The following COL19A1 variants were observed in gnomAD, a reference collection of about 807,000 sequenced individuals.
COL19A1 encodes the protein collagen alpha-1(XIX) chain.
Under a neutral mutation model 190.2 loss-of-function variants are expected in COL19A1, and 159 were observed. That is an observed-to-expected ratio of 0.84 (90% CI 0.73 to 0.95). The LOEUF (loss-of-function observed/expected upper bound fraction) is 0.95. Among genes scored for constraint, COL19A1 ranks in the 40% least tolerant of loss-of-function variants. The pLI, the probability that COL19A1 is intolerant of heterozygous loss-of-function variation, is 0.00. For missense variants in COL19A1, 1,418 were observed against 1,431.9 expected, an observed-to-expected ratio of 0.99 and a Z score of 0.16; for synonymous variants, 509 against 458.9, an observed-to-expected ratio of 1.11 and a Z score of -1.39.
At chr6:70,002,709 T>C (rs1777339298) in intron 11 of COL19A1, among the ~76,000 whole-genome samples, 1 of 151,260 alleles carries the variant, frequency 6.6e-6, no homozygotes, top group Non-Finnish European at 1.5e-5. Flanking sequence ...GGGTCAGTGG[T>C]GATATCCCCT....
intron 16 of COL19A1, among the ~76,000 whole-genome samples, chr6:70,110,114 G>T (rs1289678509): frequency 1.3e-5 from 2 of 152,134 alleles, no homozygotes; most frequent in African/African-American, 4.8e-5. Flanking sequence ...ACACATTTTT[G>T]GACTGCTGAA....
At chr6:70,187,937 G>A in intron 46 of COL19A1, 138 bp from the exon 47 acceptor site, 1 of 964,474 alleles carries the variant, frequency 1.0e-6, no homozygotes, top group East Asian at 2.6e-5. Flanking sequence ...TAGGAGAGGA[G>A]GCTAGGACAC....
chr6:70,119,216 G>C (rs1034133085), intron 16 of COL19A1, among the ~76,000 whole-genome samples: 1 of 152,114 alleles, frequency 6.6e-6, no homozygotes, highest in Non-Finnish European at 1.5e-5. Flanking sequence ...GGATACATTT[G>C]AATACAGTCA....
chr6:70,067,584 G>C (rs1781317909), intron 14 of COL19A1, among the ~76,000 whole-genome samples: 1 of 152,032 alleles, frequency 6.6e-6, no homozygotes, highest in African/African-American at 2.4e-5. Context: ...AGATAAACTG[G>C]AGTTGTAGAT....
intron 14 of COL19A1, among the ~76,000 whole-genome samples, chr6:70,039,038 C>G (rs1339510025): frequency 6.7e-6 from 1 of 149,816 alleles, no homozygotes; most frequent in Non-Finnish European, 1.5e-5. Flanking sequence ...CAGCTGGAGA[C>G]AGAGCAAGAC....
Position 70,034,270 on chromosome 6 carries a change from A to T in COL19A1, c.1106A>T (p.His369Leu), listed in dbSNP as rs749866608. The change falls in exon 13 of 51, where the codon CAT becomes CTT. Residue 369 changes from histidine (H) to leucine (L), a missense_variant. By Grantham distance (99) the His-to-Leu change is moderately conservative (BLOSUM62 -3). Transcript: ENST00000620364. ...GGTTTGAAAGGTGACTTGGGTCCTC[A>T]TGGTCCACCTGGCCCAAAAGGAGAA... Reference protein sequence around the residue: ...ENGLKGDLGPHGPPGPKGEKG... With the variant: ...ENGLKGDLGPLGPPGPKGEKG... 2 of 1,613,166 alleles carry T rather than the reference A, an allele frequency of 1.2e-6. No homozygotes were observed. Among genetic ancestry groups the T allele is most frequent in the Non-Finnish European group, 1.7e-6 (2 of 1,179,142 alleles).
chr6:69,868,230 G>C (rs1188011065), intron 1 of COL19A1, among the ~76,000 whole-genome samples: 1 of 151,306 alleles, frequency 6.6e-6, no homozygotes, highest in East Asian at 1.9e-4. Context: ...AAGAGCCCCT[G>C]CTCGTATGTG....
At chr6:70,102,871 G>T (rs890644083) in intron 16 of COL19A1, among the ~76,000 whole-genome samples, 1 of 152,014 alleles carries the variant, frequency 6.6e-6, no homozygotes, top group Non-Finnish European at 1.5e-5. Flanking sequence ...CACTTTTCAG[G>T]CTTCTTCTTA....
chr6:70,149,888 G>GGACT lies in COL19A1; in HGVS notation c.1968_1971dup (p.Pro658AspfsTer5). 2 of 1,613,588 alleles carry GGACT rather than the reference G, an allele frequency of 1.2e-6. No homozygotes were observed. The highest frequency in any genetic ancestry group is 1.7e-6 in the Non-Finnish European group (2 of 1,179,766). On this transcript the variant is annotated frameshift_variant, in exon 29 of 51. Transcript: ENST00000620364. LOFTEE classifies it high-confidence loss of function. Reference sequence around the variant, plus strand: ...CTCCCTGGGTTGCCAGGAACTCCAGGGACTCCAGGGAATGATGTAAGGACT... The same window carrying GGACT: ...CTCCCTGGGTTGCCAGGAACTCCAGGGACTGACTCCAGGGAATGATGTAAGGACT...
rs138486301 is a variant in COL19A1 at position 70,156,331 on chromosome 6, C to T, written c.2200C>T (p.Arg734Trp). 29 of 1,613,142 alleles carry T rather than the reference C, an allele frequency of 1.8e-5. No individual in the cohort carries two copies. Among genetic ancestry groups the T allele is most frequent in the South Asian group, 6.6e-5 (6 of 91,062 alleles). Residue 734 changes from arginine to tryptophan, a missense_variant, in exon 33 of 51, where the codon CGG becomes TGG. Coordinates refer to ENST00000620364, the MANE Select transcript of COL19A1 (RefSeq NM_001858.6). ...TGTCTTCTAGGGTGATATAGGGCCA[C>T]GGGGTCCTCCAGGAATCCCAGGAAG... ...SMARKGDIGPRGPPGIPGREG... is the reference protein window; with the variant it reads ...SMARKGDIGPWGPPGIPGREG...
chr6:69,870,743 G>A (rs1173975603), intron 1 of COL19A1, among the ~76,000 whole-genome samples: 1 of 152,136 alleles, frequency 6.6e-6, no homozygotes, highest in Non-Finnish European at 1.5e-5. Flanking sequence ...TAGGGAGGTG[G>A]AAATAAAGGG....
At chr6:70,028,083 T>C (rs904974475) in intron 12 of COL19A1, among the ~76,000 whole-genome samples, 5 of 152,132 alleles carry the variant, frequency 3.3e-5, no homozygotes, top group East Asian at 1.9e-4. Flanking sequence ...TAATTTTCCC[T>C]TCCCCTCTGA....
chr6:70,115,507 C>T (rs1176782499), intron 16 of COL19A1, among the ~76,000 whole-genome samples: 1 of 152,074 alleles, frequency 6.6e-6, no homozygotes, highest in Non-Finnish European at 1.5e-5. Flanking sequence ...GGAACATTTG[C>T]ATTTGATCTG....
chr6:69,928,123 A>ATCTAG, intron 5 of COL19A1, 91 bp downstream of exon 5: 11 of 1,512,542 alleles, frequency 7.3e-6, no homozygotes, highest in Non-Finnish European at 9.9e-6. Flanking sequence ...TTGCGAGTAG[A>ATCTAG]TCTAGTATCC....
chr6:70,065,877 A>G (rs530650685), intron 14 of COL19A1, among the ~76,000 whole-genome samples: 141 of 152,370 alleles, frequency 9.3e-4, no homozygotes, highest in African/African-American at 3.3e-3. Flanking sequence ...ATCACTGGCC[A>G]TCAGAGAAAT....
chr6:70,093,090 G>T (rs1783029538), intron 15 of COL19A1, among the ~76,000 whole-genome samples: 1 of 152,118 alleles, frequency 6.6e-6, no homozygotes, highest in Non-Finnish European at 1.5e-5. Context: ...TAATAAAAGT[G>T]AAGGAGAAAA....
At chr6:70,161,877 A>G (rs1190684297) in intron 34 of COL19A1, 23 bp from the exon 35 acceptor site, 2 of 1,593,152 alleles carry the variant, frequency 1.3e-6, no homozygotes, top group East Asian at 2.3e-5. Context: ...AACAGATTTT[A>G]TGATGGGAAC....
intron 16 of COL19A1, among the ~76,000 whole-genome samples, chr6:70,105,222 A>T (rs1783877625): frequency 6.6e-6 from 1 of 152,148 alleles, no homozygotes; most frequent in African/African-American, 2.4e-5. Flanking sequence ...TGGTGGCATG[A>T]TCTCGGCTCA....
In COL19A1 at chr6:70,137,734, A is replaced by G. The variant is rs990147893; in HGVS notation, c.1433A>G (p.Gln478Arg). 16 of 1,613,078 alleles carry G rather than the reference A, an allele frequency of 9.9e-6. No individual in the cohort carries two copies. The highest frequency in any genetic ancestry group is 1.4e-5 in the Non-Finnish European group (16 of 1,179,336). ...CCAGGGTCTGTTGGCCCTAAAGGAC[A>G]AAAAGGAGAACCTGTAAGTATTTTA... ...GFPGSVGPKGQKGEPGEPFTK... is the reference protein window; with the variant it reads ...GFPGSVGPKGRKGEPGEPFTK... The change falls in exon 19 of 51, where the codon CAA (glutamine) becomes CGA (arginine). Residue 478 changes from glutamine (Q) to arginine (R), a missense_variant. Transcript: ENST00000620364.
Sources: gnomAD v4.1 joint callset for allele counts (sites outside exome capture counted in the v4.1 genomes callset) on GRCh38, gnomAD v4.1.1 for gene constraint, MANE v1.5 for transcripts, NCBI Gene and HGNC (gene_info 2026-07-23, HGNC 2026-07-21) for gene names.